Variants in SNX6 observed in about 807,000 individuals in gnomAD.
The protein encoded by SNX6 is sorting nexin-6.
In SNX6, 34 loss-of-function variants were observed where a neutral mutation model predicts 63.0. That is an observed-to-expected ratio of 0.54 (90% CI 0.41 to 0.72). The LOEUF (loss-of-function observed/expected upper bound fraction) is 0.72, where lower values mean the gene tolerates loss of function less well. SNX6 is among the 30% of genes least tolerant of loss of function. SNX6 has a pLI of 0.00. For synonymous variants in SNX6, 170 were observed against 164.2 expected, an observed-to-expected ratio of 1.04 and a Z score of -0.27; for missense variants, 398 against 471.4, an observed-to-expected ratio of 0.84 and a Z score of 1.44.
chr14:34,615,100 T>C (rs913388633), intron 2 of SNX6, among the ~76,000 whole-genome samples: 2 of 152,164 alleles, frequency 1.3e-5, no homozygotes, highest in African/African-American at 4.8e-5. Flanking sequence ...CTATACTAAA[T>C]ATACTGTTTC....
intron 8 of SNX6, among the ~76,000 whole-genome samples, chr14:34,590,296 C>T (rs759965634): frequency 6.6e-6 from 1 of 151,602 alleles, no homozygotes; most frequent in Non-Finnish European, 1.5e-5. Flanking sequence ...GGCGTGGTGG[C>T]GGGCACCTGT....
intron 4 of SNX6, among the ~76,000 whole-genome samples, chr14:34,607,272 A>C (rs541353015): frequency 6.6e-6 from 1 of 152,076 alleles, no homozygotes; most frequent in African/African-American, 2.4e-5. Context: ...TTAAAAAAAC[A>C]TATCAGGCTG....
intron 11 of SNX6, among the ~76,000 whole-genome samples, chr14:34,571,067 T>C (rs1881430915): frequency 6.6e-6 from 1 of 151,842 alleles, no homozygotes; most frequent in Non-Finnish European, 1.5e-5. Flanking sequence ...ATTCTGAGAA[T>C]ATAAATTGTG....
intron 10 of SNX6, among the ~76,000 whole-genome samples, chr14:34,577,750 T>G (rs979047088): frequency 2.0e-5 from 3 of 152,072 alleles, no homozygotes; most frequent in Admixed American, 6.6e-5. Flanking sequence ...ATTGGGAAAA[T>G]GTACATACTG....
At chr14:34,593,757 T>G (rs1042696711) in intron 7 of SNX6, among the ~76,000 whole-genome samples, 8 of 151,764 alleles carry the variant, frequency 5.3e-5, no homozygotes, top group African/African-American at 1.9e-4. Flanking sequence ...TTTTTGTATT[T>G]TTAGTAGAGA....
intron 2 of SNX6, among the ~76,000 whole-genome samples, chr14:34,628,532 G>T (rs77304487): frequency 0.14 from 21,818 of 152,062 alleles, 1,691 homozygotes; most frequent in East Asian, 0.17. Flanking sequence ...GGGAGGCTGA[G>T]GTGGGAGGAT....
intron 13 of SNX6, 81 bp from the exon 14 acceptor site, chr14:34,563,256 G>T: frequency 7.3e-7 from 1 of 1,369,126 alleles, no homozygotes; most frequent in Non-Finnish European, 1.0e-6. Flanking sequence ...AGTTAGAAAC[G>T]ACATAAAATA....
chr14:34,614,913 A>G (rs1402892755), intron 2 of SNX6, among the ~76,000 whole-genome samples: 1 of 151,902 alleles, frequency 6.6e-6, no homozygotes, highest in Non-Finnish European at 1.5e-5. Flanking sequence ...TTTCTTCCAG[A>G]TTTCCTATCT....
chr14:34,587,532 CAAAAAAAAA>C (rs34380966), intron 8 of SNX6, among the ~76,000 whole-genome samples: 1 of 57,806 alleles, frequency 1.7e-5, no homozygotes, highest in Non-Finnish European at 2.9e-5. Flanking sequence ...GACTCCATCT[CAAAAAAAAA>C]AAAAAAAAAA....
intron 12 of SNX6, 38 bp from the exon 13 acceptor site, chr14:34,567,809 T>G (rs752052091): frequency 6.2e-7 from 1 of 1,612,040 alleles, no homozygotes; most frequent in Admixed American, 1.7e-5. Context: ...ATTTACATAA[T>G]AGTCATAAAG....
intron 9 of SNX6, among the ~76,000 whole-genome samples, chr14:34,585,388 C>T (rs925701623): frequency 1.3e-5 from 2 of 151,882 alleles, no homozygotes; most frequent in Non-Finnish European, 1.5e-5. Flanking sequence ...GGCATGGTGG[C>T]AGGCACCTGT....
At chr14:34,592,810 C>T (rs1366874910) in intron 8 of SNX6, among the ~76,000 whole-genome samples, 1 of 152,140 alleles carries the variant, frequency 6.6e-6, no homozygotes, top group Non-Finnish European at 1.5e-5. Context: ...TTCCTGGGCT[C>T]AAGTGATATT....
At chr14:34,564,671 T>C (rs959056604) in intron 13 of SNX6, among the ~76,000 whole-genome samples, 4 of 151,790 alleles carry the variant, frequency 2.6e-5, no homozygotes, top group African/African-American at 9.7e-5. Flanking sequence ...CTACTAAAAA[T>C]ACAAAAATTA....
chr14:34,578,018 A>G (rs2138284072), intron 10 of SNX6, among the ~76,000 whole-genome samples: 1 of 152,186 alleles, frequency 6.6e-6, no homozygotes, highest in Admixed American at 6.6e-5. Context: ...AGCCTGGCCA[A>G]CATGGTGAAA....
intron 2 of SNX6, among the ~76,000 whole-genome samples, chr14:34,621,744 T>G (rs1298350220): frequency 1.3e-5 from 2 of 152,184 alleles, no homozygotes; most frequent in African/African-American, 4.8e-5. Flanking sequence ...TCAGTCACTA[T>G]GTCCTGTCTA....
chr14:34,569,224 A>T (rs1433403580), intron 11 of SNX6: 3 of 592,028 alleles, frequency 5.1e-6, no homozygotes, highest in African/African-American at 1.9e-5. Flanking sequence ...CATAACTCAC[A>T]ATTTAAAATA....
chr14:34,569,160 G>A (rs1435646187), intron 11 of SNX6: 3 of 766,074 alleles, frequency 3.9e-6, no homozygotes, highest in Admixed American at 1.7e-5. Flanking sequence ...CTGCCAGCCA[G>A]GGGAAAGGGC....
chr14:34,562,624 C>G lies in SNX6; in HGVS notation c.*498G>C, dbSNP rs1344524687. 1 of 152,542 alleles carries G rather than the reference C, an allele frequency of 6.6e-6. No individual in the cohort carries two copies. Among genetic ancestry groups the G allele is most frequent in the African/African-American group, 2.4e-5 (1 of 41,378 alleles). The allele number at this position is 152,542 out of a possible 1,614,324, so 9.4% of individuals were successfully genotyped here. The stretch of plus-strand genomic sequence containing the variant: ...TGTCCCAAAACGTCTAAGAAATATT[C>G]AGTAATTAAAAATAAGTCTGATTAA... On this transcript the variant is annotated 3_prime_UTR_variant, in exon 14 of 14. Transcript: ENST00000362031.
At chr14:34,574,851 C>A (rs1389477931) in intron 11 of SNX6, among the ~76,000 whole-genome samples, 4 of 151,750 alleles carry the variant, frequency 2.6e-5, no homozygotes, top group Admixed American at 2.6e-4. Flanking sequence ...AGCCACTGCG[C>A]CCGGCCAGCT....
Sources: allele counts gnomAD v4.1 joint callset (sites outside exome capture counted in the v4.1 genomes callset), GRCh38; gene constraint gnomAD v4.1.1; transcripts MANE v1.5; gene names NCBI Gene and HGNC (gene_info 2026-07-23, HGNC 2026-07-21).